CDH4: variants seen among roughly 807,000 people sequenced by gnomAD.
The protein encoded by CDH4 is cadherin 4.
A neutral mutation model predicts 86.0 loss-of-function variants in CDH4; 33 were observed. That is an observed-to-expected ratio of 0.38 (90% confidence interval 0.29 to 0.51). The LOEUF is 0.51. Ranked by LOEUF, CDH4 falls within the 20% of genes least tolerant of loss-of-function variation. The pLI, the probability that CDH4 is intolerant of heterozygous loss-of-function variation, is 0.86. For missense variants in CDH4, 1,114 were observed against 1,307.4 expected (o/e 0.85, Z 2.28); for synonymous variants, 555 against 549.4 (o/e 1.01, Z -0.14).
chr20:61,687,947 T>G (rs1317485488), intron 2 of CDH4, among the ~76,000 whole-genome samples: 2 of 152,210 alleles, frequency 1.3e-5, no homozygotes, highest in Admixed American at 6.5e-5. Context: ...TCACATTCCT[T>G]AAGCACAAGC....
chr20:61,695,762 C>T (rs971688991), intron 2 of CDH4, among the ~76,000 whole-genome samples: 1 of 152,214 alleles, frequency 6.6e-6, no homozygotes, highest in Non-Finnish European at 1.5e-5. Flanking sequence ...TAGCTGGGGA[C>T]GCTCGGTTCC....
chr20:61,874,009 C>A, intron 7 of CDH4, 109 bp downstream of exon 7: 1 of 1,123,686 alleles, frequency 8.9e-7, no homozygotes. Flanking sequence ...GAGTGATCGA[C>A]AGTCTCCCCA....
chr20:61,932,967 G>A lies in CDH4; in HGVS notation c.2240-18G>A. On this transcript the variant is annotated intron_variant, in intron 13 of 15. Coordinates refer to ENST00000614565, the MANE Select transcript of CDH4 (RefSeq NM_001794.5). ...ACACCCGCAGCACACCCTGCTCACG[G>A]GCAGCCCTCCCCCACAGCCATGGTC... is the stretch of plus-strand genomic sequence containing the variant. The A allele has an allele frequency of 3.1e-6, 5 of 1,608,670 alleles. No individual in the cohort carries two copies. Among genetic ancestry groups the A allele is most frequent in the Non-Finnish European group, 4.3e-6 (5 of 1,176,226 alleles).
Position 61,848,119 on chromosome 20 carries a change from C to T in CDH4, c.732+3296C>T, listed in dbSNP as rs1444452460. ...CTCTGTAGATGGTCCTGCAGCAAAC[C>T]CCCAGAAAGATGGGGATCACAGGCT... is the stretch of plus-strand genomic sequence containing the variant. On this transcript the variant is annotated intron_variant, in intron 5 of 15. Coordinates refer to ENST00000614565, the MANE Select transcript of CDH4 (RefSeq NM_001794.5). 5.3e-5 allele frequency among the ~76,000 whole-genome samples: 8 copies of T among 152,380 alleles called. No individual in the cohort carries two copies. In the East Asian group the frequency reaches 1.5e-3, roughly 29 times the overall value.
At chr20:61,732,087 G>A (rs74706573) in intron 2 of CDH4, among the ~76,000 whole-genome samples, 9,442 of 152,148 alleles carry the variant, frequency 0.062, 337 homozygotes, top group Non-Finnish European at 0.079. Flanking sequence ...CTGCAGTGAC[G>A]GTGACTCACT....
At chr20:61,838,271 G>T (rs1162543668) in intron 4 of CDH4, among the ~76,000 whole-genome samples, 1 of 152,124 alleles carries the variant, frequency 6.6e-6, no homozygotes, top group Non-Finnish European at 1.5e-5. Context: ...GCAGCCCCGT[G>T]TGTGTTCCCA....
chr20:61,696,342 T>C (rs2087714613), intron 2 of CDH4, among the ~76,000 whole-genome samples: 1 of 152,170 alleles, frequency 6.6e-6, no homozygotes, highest in South Asian at 2.1e-4. Flanking sequence ...CAGGGACTCT[T>C]TCTCCTGGGC....
At chr20:61,593,760 T>G (rs1026635010) in intron 2 of CDH4, among the ~76,000 whole-genome samples, 1 of 151,978 alleles carries the variant, frequency 6.6e-6, no homozygotes, top group Non-Finnish European at 1.5e-5. Flanking sequence ...CTGAATGTTA[T>G]TGTAAAGATT....
intron 2 of CDH4, among the ~76,000 whole-genome samples, chr20:61,716,375 T>C (rs1383030999): frequency 0.013 from 1,911 of 145,772 alleles, 1 homozygote; most frequent in African/African-American, 0.049. Context: ...GTGAGCCTCC[T>C]CTTGGCTGGA....
At chr20:61,602,694 T>TAA (rs10641053) in intron 2 of CDH4, among the ~76,000 whole-genome samples, 44,889 of 88,872 alleles carry the variant, frequency 0.51, 13,048 homozygotes, top group Non-Finnish European at 0.61. Context: ...TTCACTTTAT[T>TAA]AAAAAAAAAA....
At chr20:61,629,535 A>G (rs2086864537) in intron 2 of CDH4, among the ~76,000 whole-genome samples, 1 of 152,206 alleles carries the variant, frequency 6.6e-6, no homozygotes, top group Non-Finnish European at 1.5e-5. Flanking sequence ...GTTGGCTTTA[A>G]TTATTGATAT....
At chr20:61,794,985 A>G (rs186267991) in intron 4 of CDH4, among the ~76,000 whole-genome samples, 21 of 151,360 alleles carry the variant, frequency 1.4e-4, no homozygotes, top group Non-Finnish European at 2.4e-4. Context: ...TATCAGTAGA[A>G]CAGAGTGTTC....
chr20:61,620,514 G>GTACA (rs372057931), intron 2 of CDH4, among the ~76,000 whole-genome samples: 8 of 149,246 alleles, frequency 5.4e-5, no homozygotes, highest in African/African-American at 1.8e-4. Flanking sequence ...TGATAGATTC[G>GTACA]TACATACATA....
chr20:61,351,841 C>T (rs567022344), intron 2 of CDH4, among the ~76,000 whole-genome samples: 2 of 152,058 alleles, frequency 1.3e-5, no homozygotes, highest in Admixed American at 6.5e-5. Flanking sequence ...CTAAGCCTCG[C>T]GAGTAGCTGG....
intron 2 of CDH4, among the ~76,000 whole-genome samples, chr20:61,360,305 G>A (rs112610662): frequency 7.2e-5 from 11 of 152,344 alleles, no homozygotes; most frequent in African/African-American, 2.2e-4. Context: ...CAGGTGAGAC[G>A]TGGGAGAGAC....
intron 2 of CDH4, among the ~76,000 whole-genome samples, chr20:61,734,120 G>A (rs1488583064): frequency 3.9e-5 from 6 of 152,318 alleles, no homozygotes; most frequent in East Asian, 3.9e-4. Flanking sequence ...CTGTGGGTGC[G>A]CGATGCCGAG....
chr20:61,569,783 T>C (rs903630935), intron 2 of CDH4, among the ~76,000 whole-genome samples: 1 of 152,220 alleles, frequency 6.6e-6, no homozygotes, highest in African/African-American at 2.4e-5. Flanking sequence ...TCTGAAAGAT[T>C]CCTGGGCCTT....
chr20:61,628,051 A>G (rs1340259015), intron 2 of CDH4, among the ~76,000 whole-genome samples: 1 of 151,866 alleles, frequency 6.6e-6, no homozygotes. Context: ...TGGCCCAGCC[A>G]TTCTCCCGTG....
In CDH4 at chr20:61,694,365, T is replaced by C. The variant is rs1600882648; in HGVS notation, c.170-49198T>C. 2.0e-5 allele frequency among the ~76,000 whole-genome samples: 3 copies of C among 152,324 alleles called. No homozygotes were observed. The East Asian group carries it at 5.8e-4, about 29-fold the overall frequency. Reference sequence around the variant, plus strand: ...TGGTTCTGCATCAACACTGCTGGACTGTGCCCCTTCCCAGGCTTGAGGCGG... The same window carrying C: ...TGGTTCTGCATCAACACTGCTGGACCGTGCCCCTTCCCAGGCTTGAGGCGG... On this transcript the variant is annotated intron_variant, in intron 2 of 15. Transcript: ENST00000614565.
Sources: allele counts gnomAD v4.1 joint callset (sites outside exome capture counted in the v4.1 genomes callset), GRCh38; gene constraint gnomAD v4.1.1; transcripts MANE v1.5; gene names NCBI Gene and HGNC (gene_info 2026-07-23, HGNC 2026-07-21).